The following PPIH variants were observed in gnomAD, a reference collection of about 807,000 sequenced individuals.
PPIH encodes peptidylprolyl isomerase H, also known as peptidyl-prolyl cis-trans isomerase H.
A neutral mutation model predicts 27.6 loss-of-function variants in PPIH; 16 were observed. The observed-to-expected ratio is 0.58, with a 90% CI of 0.39 to 0.88. The LOEUF (loss-of-function observed/expected upper bound fraction) is 0.88. PPIH is among the 40% of genes least tolerant of loss of function. PPIH has a pLI of 0.00. For missense variants in PPIH, 155 were observed against 224.1 expected, an observed-to-expected ratio of 0.69 and a Z score of 1.97; for synonymous variants, 63 against 76.1, an observed-to-expected ratio of 0.83 and a Z score of 0.90.
At chr1:42,659,954 T>G (rs371539202) in intron 4 of PPIH, among the ~76,000 whole-genome samples, 3 of 152,320 alleles carry the variant, frequency 2.0e-5, no homozygotes, top group Admixed American at 6.5e-5. Context: ...GTGGAGTATG[T>G]CAACACTTAG....
At chr1:42,672,734 C>T (rs1325052700) in intron 9 of PPIH, among the ~76,000 whole-genome samples, 1 of 152,034 alleles carries the variant, frequency 6.6e-6, no homozygotes, top group Non-Finnish European at 1.5e-5. Flanking sequence ...GCAACCTCCG[C>T]CTCCCAGGTT....
intron 9 of PPIH, 102 bp downstream of exon 9, chr1:42,667,542 A>G (rs1649408377): frequency 1.1e-6 from 1 of 943,498 alleles, no homozygotes; most frequent in South Asian, 1.5e-5. Flanking sequence ...GATTGAGCCC[A>G]GTTCCTCCGT....
At chr1:42,679,181 G>A (rs1649965598), downstream of PPIH, among the ~76,000 whole-genome samples, 1 of 152,162 alleles carries the variant, frequency 6.6e-6, no homozygotes, top group Non-Finnish European at 1.5e-5. Context: ...TGCTTGTAGA[G>A]AGGTGGCTAC....
intron 9 of PPIH, among the ~76,000 whole-genome samples, chr1:42,671,301 G>A (rs1394257774): frequency 2.6e-5 from 4 of 152,018 alleles, no homozygotes; most frequent in Admixed American, 1.3e-4. Context: ...GATGACACAC[G>A]CCTGTAATCC....
chr1:42,667,405 T>C lies in PPIH; in HGVS notation c.520T>C (p.Cys174Arg). 6.2e-7 allele frequency: 1 copy of C among 1,601,466 alleles called. No homozygotes were observed. Among genetic ancestry groups the C allele is most frequent in the East Asian group, 2.2e-5 (1 of 44,764 alleles). ...CAAGCTACCTGTGGTGATCTCGCAGTGTGGGGAGATGTAGTCCAGACAAAG... is the reference window on the plus strand; with the variant it reads ...CAAGCTACCTGTGGTGATCTCGCAGCGTGGGGAGATGTAGTCCAGACAAAG... ...KPKLPVVISQCGEM is the reference protein window; with the variant it reads ...KPKLPVVISQRGEM Residue 174 changes from cysteine to arginine, a missense_variant, in exon 9 of 10, where the codon TGT (cysteine) becomes CGT (arginine). Cys to Arg is a radical substitution (Grantham distance 180). Transcript: ENST00000304979.
chr1:42,664,318 G>C (rs1026968134), intron 5 of PPIH, among the ~76,000 whole-genome samples: 4 of 152,184 alleles, frequency 2.6e-5, no homozygotes, highest in African/African-American at 9.7e-5. Context: ...GCCTCAAAGA[G>C]AGCATCTATC....
In PPIH at chr1:42,658,564, C is replaced by A. The variant is rs536999719; in HGVS notation, c.66+52C>A. The A allele has an allele frequency of 7.6e-5, 119 of 1,567,350 alleles. 1 individual carries two copies. Among genetic ancestry groups the A allele is most frequent in the Non-Finnish European group, 1.2e-5 (14 of 1,138,304 alleles). On this transcript the variant is annotated intron_variant, in intron 1 of 9. Transcript: ENST00000304979. ...TGCGCCGAAGGGAAACTGCTCGGGGCTAGGCAGGCAGAACTCACCCAGAGA... is the reference window on the plus strand; with the variant it reads ...TGCGCCGAAGGGAAACTGCTCGGGGATAGGCAGGCAGAACTCACCCAGAGA...
Position 42,659,128 on chromosome 1 carries a change from G to A in PPIH, c.132-100G>A, listed in dbSNP as rs959427753. Reference sequence around the variant, plus strand: ...GTCTGGACGTCTGGCTGGCCGATTGGTGGACTTGCTGGCTCCAGTGTTTAT... The same window carrying A: ...GTCTGGACGTCTGGCTGGCCGATTGATGGACTTGCTGGCTCCAGTGTTTAT... On this transcript the variant is annotated intron_variant, in intron 2 of 9. Transcript: ENST00000304979. 9 of 1,556,148 alleles carry A rather than the reference G, an allele frequency of 5.8e-6. No homozygotes were observed. In the East Asian group the frequency reaches 1.8e-4, roughly 31 times the overall value.
intron 1 of PPIH, 45 bp downstream of exon 1, chr1:42,658,557 C>G: frequency 6.3e-7 from 1 of 1,577,130 alleles, no homozygotes; most frequent in Non-Finnish European, 8.7e-7. Flanking sequence ...AGGGAAACTG[C>G]TCGGGGCTAG....
intron 1 of PPIH, 106 bp from the exon 2 acceptor site, chr1:42,658,738 G>A (rs1648809289): frequency 7.4e-7 from 1 of 1,342,940 alleles, no homozygotes; most frequent in Non-Finnish European, 1.1e-6. Flanking sequence ...GGCGGAGGTG[G>A]GAGATACCGA....
intron 2 of PPIH, 45 bp downstream of exon 2, chr1:42,658,953 C>T (rs1557508110): frequency 1.3e-6 from 2 of 1,598,060 alleles, no homozygotes; most frequent in South Asian, 1.1e-5. Flanking sequence ...AGGCAGAAGT[C>T]GGGCTCCAGT....
At chr1:42,678,122 T>C (rs1248882757), downstream of PPIH, among the ~76,000 whole-genome samples, 1 of 152,234 alleles carries the variant, frequency 6.6e-6, no homozygotes, top group Non-Finnish European at 1.5e-5. Context: ...GAGAAAGGAC[T>C]GTCATCTAGT....
intron 9 of PPIH, among the ~76,000 whole-genome samples, chr1:42,673,424 C>A (rs935999135): frequency 1.3e-5 from 2 of 152,160 alleles, no homozygotes; most frequent in African/African-American, 4.8e-5. Context: ...CTTTTGAAAG[C>A]CCGAGTTCTG....
intron 9 of PPIH, among the ~76,000 whole-genome samples, 189 bp from the exon 10 acceptor site, chr1:42,676,395 G>A (rs1649883244): frequency 6.6e-6 from 1 of 152,044 alleles, no homozygotes; most frequent in Non-Finnish European, 1.5e-5. Context: ...TTGAACCCGG[G>A]AGGCGGAGGT....
chr1:42,674,492 C>G (rs1649791215), intron 9 of PPIH, among the ~76,000 whole-genome samples: 1 of 152,192 alleles, frequency 6.6e-6, no homozygotes, highest in African/African-American at 2.4e-5. Context: ...ATTCTGAGGG[C>G]AGAGGCTGAC....
At chr1:42,658,656 G>A (rs1008030060) in intron 1 of PPIH, 144 bp downstream of exon 1, 9 of 1,145,778 alleles carry the variant, frequency 7.9e-6, no homozygotes, top group Non-Finnish European at 1.0e-5. Flanking sequence ...CCGGGCGGGG[G>A]GAAAGGAGGA....
At chr1:42,660,935 C>T (rs373654675) in intron 5 of PPIH, 31 bp downstream of exon 5, 70 of 1,587,738 alleles carry the variant, frequency 4.4e-5, no homozygotes, top group African/African-American at 6.7e-5. Context: ...ATCAAAGACC[C>T]GTAGTTTTAG....
intron 5 of PPIH, among the ~76,000 whole-genome samples, chr1:42,663,460 G>A (rs891552576): frequency 9.9e-5 from 15 of 152,018 alleles, no homozygotes; most frequent in African/African-American, 1.7e-4. Flanking sequence ...GCAGTGGTGC[G>A]ATCTTGGCTT....
Position 42,658,864 on chromosome 1 carries a change from C to A in PPIH, c.87C>A (p.Ile29=), listed in dbSNP as rs1286831529. The A allele has an allele frequency of 6.2e-7, 1 of 1,614,226 alleles. No individual in the cohort carries two copies. The highest frequency in any genetic ancestry group is 8.5e-7 in the Non-Finnish European group (1 of 1,180,040). The change falls in exon 2 of 10, where the codon ATC becomes ATA. Residue 29 remains isoleucine, a synonymous_variant. Coordinates refer to ENST00000304979, the MANE Select transcript of PPIH (RefSeq NM_006347.4). ...IGGQEVGRMK[I]ELFADVVPKT... ...TGCAGGAAGTTGGCCGCATGAAGAT[C>A]GAGCTCTTTGCAGACGTTGTGCCTA...
Sources: gnomAD v4.1 joint callset for allele counts (sites outside exome capture counted in the v4.1 genomes callset) on GRCh38, gnomAD v4.1.1 for gene constraint, MANE v1.5 for transcripts, NCBI Gene and HGNC (gene_info 2026-07-23, HGNC 2026-07-21) for gene names.